Variants in NTM observed in about 807,000 individuals in gnomAD.
The protein encoded by NTM is IgLON family member 2.
NTM carries 13 observed loss-of-function variants against 42.1 expected under a neutral mutation model. The observed-to-expected ratio is 0.31, with a 90% CI of 0.20 to 0.49. The LOEUF (loss-of-function observed/expected upper bound fraction) is 0.49. Among genes scored for constraint, NTM ranks in the 20% least tolerant of loss-of-function variants. The pLI is 0.99. For missense variants in NTM, 373 were observed against 452.8 expected (o/e 0.82, Z 1.60); for synonymous variants, 187 against 179.2 (o/e 1.04, Z -0.35).
intron 1 of NTM, among the ~76,000 whole-genome samples, chr11:131,529,568 G>A (rs1565605062): frequency 6.6e-6 from 1 of 152,166 alleles, no homozygotes; most frequent in Non-Finnish European, 1.5e-5. Flanking sequence ...GAAAATGTGG[G>A]TTTCTACAGC....
chr11:131,858,366 C>T (rs1336079701), intron 1 of NTM, among the ~76,000 whole-genome samples: 1 of 151,144 alleles, frequency 6.6e-6, no homozygotes, highest in East Asian at 2.0e-4. Context: ...CATTGCTTTG[C>T]AATTATTGAA....
chr11:131,840,783 G>T (rs1375976107), intron 1 of NTM, among the ~76,000 whole-genome samples: 1 of 152,182 alleles, frequency 6.6e-6, no homozygotes, highest in Non-Finnish European at 1.5e-5. Flanking sequence ...TCTGGTGCTG[G>T]CTCACTGGAG....
intron 1 of NTM, among the ~76,000 whole-genome samples, chr11:131,605,157 G>A (rs1200979425): frequency 2.0e-5 from 3 of 151,096 alleles, no homozygotes; most frequent in African/African-American, 7.3e-5. Flanking sequence ...ACATTTAGAA[G>A]TTCAACATCT....
At chr11:132,288,115 T>C (rs928111757) in intron 4 of NTM, among the ~76,000 whole-genome samples, 2 of 152,208 alleles carry the variant, frequency 1.3e-5, no homozygotes, top group African/African-American at 4.8e-5. Context: ...TCTCTGGGGA[T>C]TGAAGCAGAC....
At chr11:131,861,395 TTC>T (rs2046623832) in intron 1 of NTM, among the ~76,000 whole-genome samples, 1 of 152,140 alleles carries the variant, frequency 6.6e-6, no homozygotes, top group Non-Finnish European at 1.5e-5. Flanking sequence ...TGGGATTCAT[TTC>T]TCTCTTCCAG....
intron 1 of NTM, chr11:131,537,156 G>C (rs1195127488): frequency 1.3e-5 from 2 of 148,344 alleles, no homozygotes; most frequent in Admixed American, 1.3e-4. Flanking sequence ...AGGTCCACAG[G>C]GATGAGCTTC....
At chr11:131,502,274 C>A (rs426077) in intron 1 of NTM, among the ~76,000 whole-genome samples, 3 of 151,634 alleles carry the variant, frequency 2.0e-5, no homozygotes, top group Non-Finnish European at 2.9e-5. Flanking sequence ...GAAGGAGCCT[C>A]GAGAGAGAGA....
At chr11:132,318,779 CACCCCACCCT>C (rs2095493947) in intron 7 of NTM, among the ~76,000 whole-genome samples, 1 of 152,192 alleles carries the variant, frequency 6.6e-6, no homozygotes, top group Admixed American at 6.5e-5. Context: ...CTCCCCACCT[CACCCCACCCT>C]GTTCATCCCC....
chr11:131,777,139 G>A lies in NTM; in HGVS notation c.83-134425G>A, dbSNP rs569154873. The A allele has an allele frequency of 2.6e-5, 21 of 792,972 alleles. No individual in the cohort carries two copies. The East Asian group carries it at 2.0e-3, about 76-fold the overall frequency. 49.1% of individuals were successfully genotyped at this position (792,972 alleles called of 1,614,324 possible). On this transcript the variant is annotated intron_variant, in intron 1 of 8. Coordinates refer to ENST00000683400, the MANE Select transcript of NTM (RefSeq NM_001352005.2). ...AGTACTCAGTGTATTTATATATATT[G>A]CATATAACATCTCCACCAATGCCCA...
intron 2 of NTM, among the ~76,000 whole-genome samples, chr11:131,971,607 C>G (rs903989649): frequency 6.6e-6 from 1 of 152,076 alleles, no homozygotes; most frequent in African/African-American, 2.4e-5. Flanking sequence ...AACCAACCTG[C>G]CTGGGTCCAA....
intron 4 of NTM, among the ~76,000 whole-genome samples, chr11:132,264,344 G>T (rs1304575760): frequency 7.2e-5 from 11 of 152,116 alleles, no homozygotes; most frequent in South Asian, 2.1e-4. Flanking sequence ...TTTTCTATTG[G>T]GTTGTTTATC....
chr11:131,731,143 C>T (rs139045284), intron 1 of NTM, among the ~76,000 whole-genome samples: 1 of 152,196 alleles, frequency 6.6e-6, no homozygotes, highest in East Asian at 1.9e-4. Context: ...TTTTGTGTGG[C>T]GCACCTCCTC....
At chr11:131,889,960 C>T (rs941928893) in intron 1 of NTM, among the ~76,000 whole-genome samples, 1 of 152,118 alleles carries the variant, frequency 6.6e-6, no homozygotes, top group Non-Finnish European at 1.5e-5. Context: ...TTTCCCAAAT[C>T]CCTTGTATTC....
intron 1 of NTM, among the ~76,000 whole-genome samples, chr11:131,575,598 G>T (rs965479725): frequency 1.3e-5 from 2 of 152,076 alleles, no homozygotes; most frequent in African/African-American, 4.8e-5. Context: ...TGACCGAATG[G>T]GAATCTACCT....
At chr11:132,101,512 GT>G (rs1382113350) in intron 2 of NTM, among the ~76,000 whole-genome samples, 1 of 151,706 alleles carries the variant, frequency 6.6e-6, no homozygotes, top group African/African-American at 2.4e-5. Context: ...CTGTAATGTT[GT>G]CAAGCTAAAT....
intron 2 of NTM, among the ~76,000 whole-genome samples, chr11:132,074,870 G>T (rs1227542177): frequency 2.6e-5 from 4 of 152,182 alleles, no homozygotes; most frequent in Admixed American, 2.6e-4. Context: ...CTAATGCAAA[G>T]AAATGATAAA....
At chr11:131,719,830 G>A (rs975618446) in intron 1 of NTM, among the ~76,000 whole-genome samples, 1 of 152,184 alleles carries the variant, frequency 6.6e-6, no homozygotes, top group African/African-American at 2.4e-5. Context: ...AGTAACAACA[G>A]TTTCAACTTT....
At chr11:131,421,167 T>G (rs1217953284) in intron 1 of NTM, among the ~76,000 whole-genome samples, 1 of 152,208 alleles carries the variant, frequency 6.6e-6, no homozygotes, top group African/African-American at 2.4e-5. Context: ...GCATTTGACC[T>G]GAGATCAGTA....
At chr11:131,668,237 C>T (rs1332892969) in intron 1 of NTM, among the ~76,000 whole-genome samples, 1 of 147,970 alleles carries the variant, frequency 6.8e-6, no homozygotes, top group African/African-American at 2.5e-5. Flanking sequence ...TATATGTGTG[C>T]ATGTATATCT....
Sources: gnomAD v4.1 joint callset for allele counts (sites outside exome capture counted in the v4.1 genomes callset) on GRCh38, gnomAD v4.1.1 for gene constraint, MANE v1.5 for transcripts, NCBI Gene and HGNC (gene_info 2026-07-23, HGNC 2026-07-21) for gene names.